Variants in EPHA7 observed in about 807,000 individuals in gnomAD.
The protein encoded by EPHA7 is EPH receptor A7.
Under a neutral mutation model 112.6 loss-of-function variants are expected in EPHA7, and 25 were observed. The ratio of observed to expected loss-of-function variants is 0.22; its 90% CI spans 0.16 to 0.31. The LOEUF (loss-of-function observed/expected upper bound fraction) is 0.31. Ranked by LOEUF, EPHA7 falls within the 10% of genes least tolerant of loss-of-function variation. The pLI, the probability that EPHA7 is intolerant of heterozygous loss-of-function variation, is 1.00. For missense variants in EPHA7, 962 were observed against 1,212.6 expected (o/e 0.79, Z 3.07); for synonymous variants, 437 against 406.5 (o/e 1.07, Z -0.90).
In EPHA7 at chr6:93,313,982, C is replaced by A. The variant is rs145814803; in HGVS notation, c.1325-41560G>T. On this transcript the variant is annotated intron_variant, in intron 5 of 16. Coordinates refer to ENST00000369303, the MANE Select transcript of EPHA7 (RefSeq NM_004440.4). ...TTCTCCTCCTTTATCTTTTCTACTC[C>A]TGTGGTATATTTTATAATTTCACTC... 5.3e-3 allele frequency among the ~76,000 whole-genome samples: 812 copies of A among 152,118 alleles called. 3 individuals are homozygous for A. Among genetic ancestry groups the A allele is most frequent in the Non-Finnish European group, 8.5e-3 (581 of 67,982 alleles).
intron 5 of EPHA7, among the ~76,000 whole-genome samples, chr6:93,318,520 TATTTA>T (rs1380128453): frequency 6.6e-6 from 1 of 152,046 alleles, no homozygotes; most frequent in African/African-American, 2.4e-5. Context: ...AAGGTAAATA[TATTTA>T]ATTTAAAAAA....
intron 3 of EPHA7, among the ~76,000 whole-genome samples, chr6:93,385,730 T>G (rs1207692141): frequency 6.6e-6 from 1 of 152,052 alleles, no homozygotes; most frequent in Non-Finnish European, 1.5e-5. Context: ...ATAGATTAGA[T>G]AGCTAGATAG....
rs138245292 is a variant in EPHA7 at position 93,362,723 on chromosome 6, T to C, written c.833-4312A>G. On this transcript the variant is annotated intron_variant, in intron 3 of 16. Transcript: ENST00000369303. ...TGGTATAACAACTGTAAATGAACAA[T>C]CCTAAAGGCCACCCAAAAGCCATAC... Among the ~76,000 whole-genome samples, 393 of 152,156 alleles carry C rather than the reference T, an allele frequency of 2.6e-3. 4 individuals carry two copies. Among genetic ancestry groups the C allele is most frequent in the African/African-American group, 9.2e-3 (380 of 41,528 alleles).
At chr6:93,322,061 A>T in intron 5 of EPHA7, among the ~76,000 whole-genome samples, 1 of 151,916 alleles carries the variant, frequency 6.6e-6, no homozygotes, top group African/African-American at 2.4e-5. Context: ...GAATGTAAAA[A>T]ACAATACAAG....
At chr6:93,315,430 A>G (rs537325774) in intron 5 of EPHA7, among the ~76,000 whole-genome samples, 2 of 152,292 alleles carry the variant, frequency 1.3e-5, no homozygotes, top group South Asian at 4.1e-4. Context: ...CTTTGTCTTC[A>G]AAGGTCCTAA....
At chr6:93,281,584 G>A (rs539626437) in intron 5 of EPHA7, among the ~76,000 whole-genome samples, 5 of 152,008 alleles carry the variant, frequency 3.3e-5, no homozygotes, top group African/African-American at 7.2e-5. Flanking sequence ...ACATGTCTAC[G>A]CACACACACA....
chr6:93,405,150 T>C (rs1237405496), intron 3 of EPHA7, among the ~76,000 whole-genome samples: 2 of 151,906 alleles, frequency 1.3e-5, no homozygotes, highest in Non-Finnish European at 2.9e-5. Flanking sequence ...TAGACTACCA[T>C]CTACTCTTTT....
At chr6:93,370,010 T>C (rs1192988313) in intron 3 of EPHA7, among the ~76,000 whole-genome samples, 2 of 152,194 alleles carry the variant, frequency 1.3e-5, no homozygotes, top group Non-Finnish European at 2.9e-5. Context: ...GTCTCCCTGT[T>C]ATGCTGCACA....
chr6:93,380,531 G>A (rs1203939251), intron 3 of EPHA7, among the ~76,000 whole-genome samples: 1 of 152,112 alleles, frequency 6.6e-6, no homozygotes, highest in Admixed American at 6.5e-5. Context: ...TCAAAAAGAT[G>A]AGAATATCAG....
At chr6:93,290,962 A>G (rs981756941) in intron 5 of EPHA7, among the ~76,000 whole-genome samples, 4 of 152,214 alleles carry the variant, frequency 2.6e-5, no homozygotes, top group African/African-American at 9.6e-5. Flanking sequence ...TGAATACAAC[A>G]TTGAAATAGA....
intron 5 of EPHA7, among the ~76,000 whole-genome samples, chr6:93,275,150 CAA>C (rs1562061227): frequency 6.6e-6 from 1 of 151,550 alleles, no homozygotes; most frequent in Non-Finnish European, 1.5e-5. Context: ...ATACAAGTGA[CAA>C]TATACAAATG....
At chr6:93,321,961 C>G (rs1331857899) in intron 5 of EPHA7, among the ~76,000 whole-genome samples, 2 of 151,752 alleles carry the variant, frequency 1.3e-5, no homozygotes, top group Non-Finnish European at 2.9e-5. Context: ...ACTCTTTATA[C>G]ATTAATTTCT....
chr6:93,405,459 C>T (rs1778647920), intron 3 of EPHA7, among the ~76,000 whole-genome samples: 1 of 151,682 alleles, frequency 6.6e-6, no homozygotes, highest in Admixed American at 6.6e-5. Flanking sequence ...TATTTGTGGC[C>T]TGTGAGATAC....
At chr6:93,292,473 A>T (rs1401123694) in intron 5 of EPHA7, among the ~76,000 whole-genome samples, 1 of 152,100 alleles carries the variant, frequency 6.6e-6, no homozygotes, top group East Asian at 1.9e-4. Flanking sequence ...GAAATGCAGC[A>T]TTCTTATTTG....
At chr6:93,415,184 C>T (rs2127997690) in intron 1 of EPHA7, among the ~76,000 whole-genome samples, 1 of 152,028 alleles carries the variant, frequency 6.6e-6, no homozygotes, top group South Asian at 2.1e-4. Flanking sequence ...TAATTTGTAA[C>T]ATTCTGCCAG....
chr6:93,243,748 G>T (rs767323075), intron 16 of EPHA7, among the ~76,000 whole-genome samples: 2 of 152,010 alleles, frequency 1.3e-5, no homozygotes, highest in Non-Finnish European at 2.9e-5. Flanking sequence ...AACTGCTCAG[G>T]TTCTCAATTT....
rs149215498 is a variant in EPHA7 at position 93,349,789 on chromosome 6, G to A, written c.1324+6928C>T. ...AATGGAATTAATTTACTTATTAAAAGACATATAACTTGATGTGTGTCCATT... is the reference window on the plus strand; with the variant it reads ...AATGGAATTAATTTACTTATTAAAAAACATATAACTTGATGTGTGTCCATT... On this transcript the variant is annotated intron_variant, in intron 5 of 16. Transcript: ENST00000369303. 5.1e-3 allele frequency among the ~76,000 whole-genome samples: 777 copies of A among 151,816 alleles called. 7 individuals carry two copies. The highest frequency in any genetic ancestry group is 0.018 in the African/African-American group (730 of 41,438).
chr6:93,344,643 A>G (rs556528587), intron 5 of EPHA7, among the ~76,000 whole-genome samples: 28 of 151,744 alleles, frequency 1.8e-4, no homozygotes, highest in African/African-American at 6.5e-4. Flanking sequence ...TTTCTACCTC[A>G]AGTTATCAGT....
At position 93,296,442 on chromosome 6, in the gene EPHA7, A is replaced by C. The variant is rs374522226; in HGVS notation, c.1325-24020T>G. On this transcript the variant is annotated intron_variant, in intron 5 of 16. Coordinates refer to ENST00000369303, the MANE Select transcript of EPHA7 (RefSeq NM_004440.4). Reference sequence around the variant, plus strand: ...ATAGCATATATATATAAAATATATAAATATATATATAAATATATATATATG... The same window carrying C: ...ATAGCATATATATATAAAATATATACATATATATATAAATATATATATATG... Among the ~76,000 whole-genome samples, 29 of 87,978 alleles carry C rather than the reference A, an allele frequency of 3.3e-4. 1 individual carries two copies. In the South Asian group the frequency reaches 0.012, roughly 36 times the overall value. 57.7% of individuals were successfully genotyped at this position (87,978 alleles called of 152,430 possible). A position where few individuals can be genotyped will look rare whatever the true frequency, so the allele number is the denominator to read the frequency against.
Sources: allele counts gnomAD v4.1 joint callset (sites outside exome capture counted in the v4.1 genomes callset), GRCh38; gene constraint gnomAD v4.1.1; transcripts MANE v1.5; gene names NCBI Gene and HGNC (gene_info 2026-07-23, HGNC 2026-07-21).